ASRGL1: variants seen among roughly 807,000 people sequenced by gnomAD.
The protein encoded by ASRGL1 is isoaspartyl peptidase/L-asparaginase.
ASRGL1 carries 16 observed loss-of-function variants against 22.4 expected under a neutral mutation model. The ratio of observed to expected loss-of-function variants is 0.71; its 90% CI spans 0.48 to 1.08. The LOEUF (loss-of-function observed/expected upper bound fraction) is 1.08, where lower values mean the gene tolerates loss of function less well. Ranked by LOEUF, ASRGL1 falls within the 50% of genes least tolerant of loss-of-function variation. The probability of loss-of-function intolerance (pLI) is 0.00; values close to 1 mark genes in which losing one functional copy is unlikely to be tolerated. For missense variants in ASRGL1, 412 were observed against 410.1 expected, an observed-to-expected ratio of 1.00 and a Z score of -0.04; for synonymous variants, 165 against 159.3, an observed-to-expected ratio of 1.04 and a Z score of -0.27.
chr11:62,378,872 C>T (rs1446765529), intron 4 of ASRGL1, among the ~76,000 whole-genome samples: 1 of 152,144 alleles, frequency 6.6e-6, no homozygotes, highest in Non-Finnish European at 1.5e-5. Context: ...GGAGGCTCTA[C>T]AGTGGCCACC....
intron 2 of ASRGL1, among the ~76,000 whole-genome samples, chr11:62,348,848 G>T (rs959407962): frequency 6.6e-6 from 1 of 152,146 alleles, no homozygotes; most frequent in East Asian, 1.9e-4. Context: ...AAAAGATATC[G>T]CAAAAGGCCA....
In ASRGL1 at chr11:62,391,557, G is replaced by A. The variant is rs777549556; in HGVS notation, c.646G>A (p.Val216Ile). Reference protein sequence around the residue: ...GGYADNDIGAVSTTGHGESIL... With the variant: ...GGYADNDIGAISTTGHGESIL... Reference sequence around the variant, plus strand: ...TTATGCCGACAATGACATCGGAGCCGTCTCAACCACAGGGCATGGGGAAAG... The same window carrying A: ...TTATGCCGACAATGACATCGGAGCCATCTCAACCACAGGGCATGGGGAAAG... The change falls in exon 6 of 7, where the codon GTC (valine) becomes ATC (isoleucine). Residue 216 changes from valine (V) to isoleucine (I), a missense_variant. By Grantham distance (29) the Val-to-Ile change is conservative (BLOSUM62 3). Coordinates refer to ENST00000415229, the MANE Select transcript of ASRGL1 (RefSeq NM_001083926.2). The A allele has an allele frequency of 1.6e-5, 25 of 1,612,334 alleles. No homozygotes were observed. The highest frequency in any genetic ancestry group is 1.7e-5 in the Admixed American group (1 of 59,810).
intron 4 of ASRGL1, among the ~76,000 whole-genome samples, chr11:62,387,643 C>G (rs894323664): frequency 1.3e-5 from 2 of 152,246 alleles, no homozygotes; most frequent in African/African-American, 4.8e-5. Flanking sequence ...CAGAGACACT[C>G]TGTGTAAAAC....
At chr11:62,388,894 A>C (rs1234008522) in intron 4 of ASRGL1, among the ~76,000 whole-genome samples, 1 of 152,102 alleles carries the variant, frequency 6.6e-6, no homozygotes, top group Non-Finnish European at 1.5e-5. Context: ...CACAGCTAGA[A>C]AACGGTGGTG....
intron 4 of ASRGL1, chr11:62,373,150 C>T (rs1946820204): frequency 6.0e-6 from 8 of 1,344,064 alleles, no homozygotes; most frequent in Middle Eastern, 2.3e-4. Flanking sequence ...AAGAAACTGC[C>T]AGAATACAGC....
At chr11:62,352,659 C>G (rs1404284876) in intron 2 of ASRGL1, among the ~76,000 whole-genome samples, 1 of 152,124 alleles carries the variant, frequency 6.6e-6, no homozygotes, top group African/African-American at 2.4e-5. Context: ...CTGAGAGTAT[C>G]TTGGTTTCTC....
chr11:62,399,355 G>A, the ASRGL1 span, among the ~76,000 whole-genome samples: 30 of 152,310 alleles, frequency 2.0e-4, no homozygotes, highest in African/African-American at 7.2e-4. Flanking sequence ...TTCTCACTTG[G>A]ACTCGTGTAG....
At chr11:62,343,359 C>CA (rs1391984509) in intron 2 of ASRGL1, among the ~76,000 whole-genome samples, 1 of 120,090 alleles carries the variant, frequency 8.3e-6, no homozygotes, top group Non-Finnish European at 1.6e-5. Context: ...GCCTGGGTGA[C>CA]AGAGTGAGAC....
intron 4 of ASRGL1, among the ~76,000 whole-genome samples, chr11:62,385,049 G>A (rs1947170239): frequency 2.0e-5 from 3 of 146,540 alleles, no homozygotes; most frequent in South Asian, 4.4e-4. Flanking sequence ...TATATGGTAT[G>A]TGGGCCTCCA....
intron 4 of ASRGL1, among the ~76,000 whole-genome samples, chr11:62,358,025 G>C (rs1946344119): frequency 6.6e-6 from 1 of 152,176 alleles, no homozygotes; most frequent in Non-Finnish European, 1.5e-5. Context: ...ATTATAAAAA[G>C]GGTTCCCAGG....
intron 2 of ASRGL1, among the ~76,000 whole-genome samples, chr11:62,340,959 G>A (rs1032050833): frequency 2.6e-5 from 4 of 152,094 alleles, no homozygotes; most frequent in African/African-American, 9.7e-5. Context: ...TTCTATTCCT[G>A]TTTCAGTGTG....
intron 4 of ASRGL1, among the ~76,000 whole-genome samples, chr11:62,357,404 T>C (rs1946329105): frequency 6.8e-6 from 1 of 147,686 alleles, no homozygotes; most frequent in Non-Finnish European, 1.5e-5. Flanking sequence ...CACACACCAC[T>C]GCACCCGGCT....
intron 4 of ASRGL1, among the ~76,000 whole-genome samples, chr11:62,361,593 T>G (rs574351997): frequency 1.3e-4 from 19 of 150,290 alleles, no homozygotes; most frequent in African/African-American, 4.7e-4. Context: ...GTTCAAGAGA[T>G]TCTTCTGCCT....
At chr11:62,397,601 CTG>C (rs1947446916), downstream of ASRGL1, among the ~76,000 whole-genome samples, 1 of 147,988 alleles carries the variant, frequency 6.8e-6, no homozygotes, top group African/African-American at 2.5e-5. Context: ...AAGGTGGAGA[CTG>C]TGGTGAGCCA....
chr11:62,382,140 T>C (rs1350332262), intron 4 of ASRGL1: 1 of 151,992 alleles, frequency 6.6e-6, no homozygotes, highest in African/African-American at 2.4e-5. Context: ...TACAAAAAAT[T>C]AGCCGGGCCC....
In ASRGL1 at chr11:62,341,821, C is replaced by G. The variant is rs143385508; in HGVS notation, c.190+3654C>G. ...CCAGTTACATTACTCTCCCACATCC[C>G]TTTGAGTCCACGCCTCCATTCACTC... is the stretch of plus-strand genomic sequence containing the variant. On this transcript the variant is annotated intron_variant, in intron 2 of 6. Coordinates refer to ENST00000415229, the MANE Select transcript of ASRGL1 (RefSeq NM_001083926.2). Among the ~76,000 whole-genome samples the G allele has an allele frequency of 6.4e-3, 978 of 152,316 alleles. 9 individuals are homozygous for G. Among genetic ancestry groups the G allele is most frequent in the African/African-American group, 0.022 (932 of 41,564 alleles).
intron 2 of ASRGL1, among the ~76,000 whole-genome samples, chr11:62,343,405 C>T (rs1945920585): frequency 1.4e-5 from 2 of 146,282 alleles, no homozygotes; most frequent in Non-Finnish European, 3.0e-5. Flanking sequence ...AAGGAACTGC[C>T]AAACTTTAAC....
chr11:62,338,661 C>G (rs1275781557), intron 2 of ASRGL1, among the ~76,000 whole-genome samples: 1 of 152,100 alleles, frequency 6.6e-6, no homozygotes, highest in Admixed American at 6.5e-5. Flanking sequence ...GGCGGTTTAG[C>G]ACGGTGGCTC....
chr11:62,379,011 C>T (rs914128549), intron 4 of ASRGL1, among the ~76,000 whole-genome samples: 2 of 152,116 alleles, frequency 1.3e-5, no homozygotes, highest in Non-Finnish European at 2.9e-5. Flanking sequence ...GATTTTTTGA[C>T]TCCTGAGGCT....
Sources: allele counts gnomAD v4.1 joint callset (sites outside exome capture counted in the v4.1 genomes callset), GRCh38; gene constraint gnomAD v4.1.1; transcripts MANE v1.5; gene names NCBI Gene and HGNC (gene_info 2026-07-23, HGNC 2026-07-21).